The following SGCD variants were observed in gnomAD, a reference collection of about 807,000 sequenced individuals.
SGCD encodes delta-sarcoglycan.
Under a neutral mutation model 36.6 loss-of-function variants are expected in SGCD, and 18 were observed. The ratio of observed to expected loss-of-function variants is 0.49; its 90% CI spans 0.34 to 0.73. The LOEUF (loss-of-function observed/expected upper bound fraction) is 0.73, where lower values mean the gene tolerates loss of function less well. SGCD is among the 30% of genes least tolerant of loss of function. The pLI, the probability that SGCD is intolerant of heterozygous loss-of-function variation, is 0.01. For missense variants in SGCD, 387 were observed against 346.7 expected, an observed-to-expected ratio of 1.12 and a Z score of -0.92; for synonymous variants, 133 against 130.6, an observed-to-expected ratio of 1.02 and a Z score of -0.12.
the SGCD span, among the ~76,000 whole-genome samples, chr5:155,857,098 A>G: frequency 1.3e-5 from 2 of 152,078 alleles, no homozygotes; most frequent in African/African-American, 4.8e-5. Flanking sequence ...TTAGCCAGGC[A>G]TCATGGGGCA....
chr5:155,998,101 C>T (rs1421959804), intron 1 of SGCD, among the ~76,000 whole-genome samples: 1 of 152,188 alleles, frequency 6.6e-6, no homozygotes, highest in Non-Finnish European at 1.5e-5. Flanking sequence ...CAGGCATTGC[C>T]TCAGGCATTG....
rs1763551298 is a variant in SGCD at position 156,653,493 on chromosome 5, C to CTTTTTTTTTTTTTTTGCT, written c.575+5974_575+5975insTTTTTTTTTTTTTTTTGC. Among the ~76,000 whole-genome samples the CTTTTTTTTTTTTTTTGCT allele has an allele frequency of 4.2e-5, 2 of 48,082 alleles. 1 individual carries two copies. Among genetic ancestry groups the CTTTTTTTTTTTTTTTGCT allele is most frequent in the Non-Finnish European group, 8.0e-5 (2 of 24,960 alleles). The allele number at this position is 48,082 out of a possible 152,430, so 31.5% of individuals were successfully genotyped here. On this transcript the variant is annotated intron_variant, in intron 7 of 8. Transcript: ENST00000337851. ...TTTTCTTACGTAATTCTAAAGCTTG[C>CTTTTTTTTTTTTTTTGCT]TTTTTTTTTTTTTTTGCCCCTGTTG...
intron 1 of SGCD, among the ~76,000 whole-genome samples, chr5:155,936,401 T>A (rs2113400816): frequency 6.6e-6 from 1 of 152,082 alleles, no homozygotes; most frequent in South Asian, 2.1e-4. Context: ...TCCCAGTGAG[T>A]GTTCAGCTCG....
chr5:156,348,706 C>T (rs539797764), intron 3 of SGCD, among the ~76,000 whole-genome samples: 5 of 152,136 alleles, frequency 3.3e-5, no homozygotes, highest in Admixed American at 1.3e-4. Flanking sequence ...CAATGTACTT[C>T]CTATCAAAAT....
intron 3 of SGCD, among the ~76,000 whole-genome samples, chr5:156,491,355 G>A (rs1755928272): frequency 6.6e-6 from 1 of 152,026 alleles, no homozygotes. Flanking sequence ...CAACATTTGT[G>A]TGTAACCACA....
At chr5:156,667,788 G>T (rs886864655) in intron 7 of SGCD, among the ~76,000 whole-genome samples, 1 of 152,142 alleles carries the variant, frequency 6.6e-6, no homozygotes, top group African/African-American at 2.4e-5. Context: ...GTTTTTTGGA[G>T]GAAAAGGCAA....
intron 3 of SGCD, among the ~76,000 whole-genome samples, chr5:156,388,337 C>T (rs1771386063): frequency 6.6e-6 from 1 of 152,124 alleles, no homozygotes; most frequent in Non-Finnish European, 1.5e-5. Context: ...AGCAGAAAGA[C>T]AATAGATGGA....
In SGCD at chr5:156,761,014, C is replaced by T. The variant is rs1339257545; in HGVS notation, c.*1624C>T. ...CTGGATGCCATTTGGAAAGTAGTGGCCCTGCAAGCCTAAATGAAGTAGTAT... is the reference window on the plus strand; with the variant it reads ...CTGGATGCCATTTGGAAAGTAGTGGTCCTGCAAGCCTAAATGAAGTAGTAT... On this transcript the variant is annotated 3_prime_UTR_variant, in exon 9 of 9. Coordinates refer to ENST00000337851, the MANE Select transcript of SGCD (RefSeq NM_000337.6). 1 of 152,172 alleles carries T rather than the reference C, an allele frequency of 6.6e-6. No homozygotes were observed. The highest frequency in any genetic ancestry group is 1.5e-5 in the Non-Finnish European group (1 of 68,050). 9.4% of individuals were successfully genotyped at this position (152,172 alleles called of 1,614,324 possible).
At chr5:156,223,880 T>C (rs1764782702) in intron 3 of SGCD, among the ~76,000 whole-genome samples, 1 of 152,016 alleles carries the variant, frequency 6.6e-6, no homozygotes, top group African/African-American at 2.4e-5. Context: ...AGTGTGTTTT[T>C]CTAAGTAAAT....
intron 3 of SGCD, among the ~76,000 whole-genome samples, chr5:156,201,689 A>T (rs748529962): frequency 1.3e-4 from 19 of 151,772 alleles, no homozygotes; most frequent in Non-Finnish European, 2.8e-4. Context: ...CTCATGCTGC[A>T]GGAGGGAAGA....
At chr5:156,703,386 T>C (rs147891760) in intron 7 of SGCD, among the ~76,000 whole-genome samples, 5 of 149,416 alleles carry the variant, frequency 3.3e-5, no homozygotes, top group African/African-American at 1.0e-4. Flanking sequence ...TTATTTCTTT[T>C]TTTTTTTTTC....
At chr5:156,562,580 G>A (rs7448097) in intron 4 of SGCD, among the ~76,000 whole-genome samples, 33,201 of 151,904 alleles carry the variant, frequency 0.22, 4,556 homozygotes, top group Non-Finnish European at 0.31. Flanking sequence ...TGAGGAAAAG[G>A]GAGACATCAA....
At chr5:156,361,788 A>G (rs185363049) in intron 3 of SGCD, among the ~76,000 whole-genome samples, 2 of 152,332 alleles carry the variant, frequency 1.3e-5, no homozygotes, top group East Asian at 3.9e-4. Flanking sequence ...AACACAGTAA[A>G]CTATAGCTAT....
intron 1 of SGCD, among the ~76,000 whole-genome samples, chr5:156,059,201 A>G (rs1228634881): frequency 6.9e-6 from 1 of 145,838 alleles, no homozygotes; most frequent in Non-Finnish European, 1.5e-5. Flanking sequence ...ACTAGGCTTA[A>G]CAAGCAAAAC....
intron 1 of SGCD, among the ~76,000 whole-genome samples, chr5:156,012,976 TG>T (rs1758891429): frequency 6.7e-6 from 1 of 149,474 alleles, no homozygotes; most frequent in African/African-American, 2.4e-5. Flanking sequence ...ATATATAATA[TG>T]TATACAAGTA....
chr5:156,138,481 A>G (rs1411986180), intron 3 of SGCD, among the ~76,000 whole-genome samples: 1 of 152,216 alleles, frequency 6.6e-6, no homozygotes, highest in Non-Finnish European at 1.5e-5. Context: ...GGCTTCTTCT[A>G]TTCAGTGTGT....
intron 4 of SGCD, among the ~76,000 whole-genome samples, chr5:156,549,545 G>A (rs933806316): frequency 6.6e-6 from 1 of 152,206 alleles, no homozygotes; most frequent in Non-Finnish European, 1.5e-5. Flanking sequence ...CCAGTAAATG[G>A]GCTAGAAATA....
intron 3 of SGCD, among the ~76,000 whole-genome samples, chr5:156,126,069 T>C (rs1200418708): frequency 6.6e-6 from 1 of 151,556 alleles, no homozygotes; most frequent in Non-Finnish European, 1.5e-5. Context: ...TTAGGAGAAA[T>C]GGGGTTTTGC....
At chr5:156,007,829 G>C (rs1447717341) in intron 1 of SGCD, among the ~76,000 whole-genome samples, 1 of 152,230 alleles carries the variant, frequency 6.6e-6, no homozygotes, top group East Asian at 1.9e-4. Flanking sequence ...AAACGGGCTG[G>C]AAGAGGGAGA....
Sources: allele counts gnomAD v4.1 joint callset (sites outside exome capture counted in the v4.1 genomes callset), GRCh38; gene constraint gnomAD v4.1.1; transcripts MANE v1.5; gene names NCBI Gene and HGNC (gene_info 2026-07-23, HGNC 2026-07-21).